The following RALGAPA2 variants were observed in gnomAD, a reference collection of about 807,000 sequenced individuals.
The protein encoded by RALGAPA2 is Ral GTPase activating protein catalytic subunit alpha 2, also known as ral GTPase-activating protein subunit alpha-2.
RALGAPA2 carries 139 observed loss-of-function variants against 230.4 expected under a neutral mutation model. The observed-to-expected ratio is 0.60, with a 90% confidence interval of 0.53 to 0.69. The LOEUF (loss-of-function observed/expected upper bound fraction) is 0.69, where lower values mean the gene tolerates loss of function less well. Among genes scored for constraint, RALGAPA2 ranks in the 30% least tolerant of loss-of-function variants. The pLI, the probability that RALGAPA2 is intolerant of heterozygous loss-of-function variation, is 0.00. For synonymous variants in RALGAPA2, 847 were observed against 837.8 expected (o/e 1.01, Z -0.19); for missense variants, 2,163 against 2,276.0 (o/e 0.95, Z 1.01).
At chr20:20,551,669 C>T (rs1480969422) in intron 23 of RALGAPA2, among the ~76,000 whole-genome samples, 1 of 152,152 alleles carries the variant, frequency 6.6e-6, no homozygotes. Flanking sequence ...GTAAATGAAT[C>T]GCTTTAATTG....
At chr20:20,446,533 C>T (rs752815913) in intron 37 of RALGAPA2, among the ~76,000 whole-genome samples, 3 of 152,146 alleles carry the variant, frequency 2.0e-5, no homozygotes, top group Non-Finnish European at 2.9e-5. Context: ...ACAGCAGCCA[C>T]CAGAAGCAAA....
chr20:20,491,485 C>G (rs980810918), intron 36 of RALGAPA2, among the ~76,000 whole-genome samples: 6 of 152,246 alleles, frequency 3.9e-5, no homozygotes, highest in Middle Eastern at 3.4e-3. Flanking sequence ...TAAAACTTAC[C>G]TTCGCAAATT....
chr20:20,539,473 T>A (rs1259227806), intron 24 of RALGAPA2, among the ~76,000 whole-genome samples: 2 of 152,248 alleles, frequency 1.3e-5, no homozygotes, highest in East Asian at 3.8e-4. Flanking sequence ...GTGTTGATTC[T>A]TTTTTCAACT....
At position 20,573,076 on chromosome 20, in the gene RALGAPA2, G is replaced by A. The variant is rs1318391859; in HGVS notation, c.2708-8C>T. The A allele has an allele frequency of 1.3e-6, 2 of 1,592,982 alleles. No individual in the cohort carries two copies. Among genetic ancestry groups the A allele is most frequent in the South Asian group, 2.3e-5 (2 of 87,428 alleles). The stretch of plus-strand genomic sequence containing the variant: ...TGAGGCACTCGCTGCTATCTATGCA[G>A]AAAAACATGTCTGTTAACCCTGTAA... On this transcript the variant is annotated splice_region_variant and splice_polypyrimidine_tract_variant and intron_variant, in intron 20 of 39. Coordinates refer to ENST00000202677, the MANE Select transcript of RALGAPA2 (RefSeq NM_020343.4).
intron 37 of RALGAPA2, among the ~76,000 whole-genome samples, chr20:20,415,094 A>G (rs1275013699): frequency 6.6e-6 from 1 of 152,262 alleles, no homozygotes; most frequent in Non-Finnish European, 1.5e-5. Flanking sequence ...CAGCGCTGGG[A>G]TCTTAACTGA....
rs1002245813 is a variant in RALGAPA2, at chr20:20,389,723, T to C, written c.*3566A>G. ...GTCGGGTGGCTGCCATCAGTGGAGA[T>C]GTGTGCTTTCTCGGTGTGGCTGCCT... On this transcript the variant is annotated 3_prime_UTR_variant, in exon 40 of 40. Coordinates refer to ENST00000202677, the MANE Select transcript of RALGAPA2 (RefSeq NM_020343.4). 2 of 151,904 alleles carry C rather than the reference T, an allele frequency of 1.3e-5. No individual in the cohort carries two copies. Among genetic ancestry groups the C allele is most frequent in the African/African-American group, 4.8e-5 (2 of 41,314 alleles). The allele number at this position is 151,904 out of a possible 1,614,324, so 9.4% of individuals were successfully genotyped here. A position where few individuals can be genotyped will look rare whatever the true frequency, so the allele number is the denominator to read the frequency against.
At chr20:20,562,516 T>A (rs1803481406) in intron 23 of RALGAPA2, among the ~76,000 whole-genome samples, 1 of 152,330 alleles carries the variant, frequency 6.6e-6, no homozygotes, top group South Asian at 2.1e-4. Context: ...TACCGGAAGA[T>A]TTTGGGCTAA....
chr20:20,410,228 T>C (rs192443706), intron 38 of RALGAPA2, among the ~76,000 whole-genome samples: 1 of 152,386 alleles, frequency 6.6e-6, no homozygotes, highest in East Asian at 1.9e-4. Flanking sequence ...TCATTTCTAT[T>C]GGTTTAAATA....
At chr20:20,520,093 T>TC (rs2062991281) in intron 31 of RALGAPA2, among the ~76,000 whole-genome samples, 1 of 152,178 alleles carries the variant, frequency 6.6e-6, no homozygotes, top group Non-Finnish European at 1.5e-5. Context: ...CACATGCAGT[T>TC]GTAAGCAGTA....
In RALGAPA2 at chr20:20,521,144, C is replaced by T. The variant is rs145578967; in HGVS notation, c.3901-44G>A. The T allele has an allele frequency of 9.2e-4, 1,384 of 1,499,582 alleles. 12 individuals are homozygous for T. The African/African-American group carries it at 0.016, about 17-fold the overall frequency. The allele number at this position is 1,499,582 out of a possible 1,614,324, so 92.9% of individuals were successfully genotyped here. A position where few individuals can be genotyped will look rare whatever the true frequency, so the allele number is the denominator to read the frequency against. On this transcript the variant is annotated intron_variant, in intron 30 of 39. Coordinates refer to ENST00000202677, the MANE Select transcript of RALGAPA2 (RefSeq NM_020343.4). The stretch of plus-strand genomic sequence containing the variant: ...TGTGCACCACGGATGCTACTCACCG[C>T]GTGTCCCCTGACAATCTGTCAAACT...
intron 10 of RALGAPA2, among the ~76,000 whole-genome samples, chr20:20,627,984 G>A (rs1033360630): frequency 2.0e-5 from 3 of 152,134 alleles, no homozygotes; most frequent in African/African-American, 7.2e-5. Context: ...AACAAAAAGA[G>A]GGGCCAAGAC....
intron 1 of RALGAPA2, among the ~76,000 whole-genome samples, chr20:20,695,350 C>A (rs1170222300): frequency 1.3e-5 from 2 of 152,148 alleles, no homozygotes; most frequent in Non-Finnish European, 2.9e-5. Flanking sequence ...TAGAACTGGG[C>A]AGAAAGACAT....
intron 38 of RALGAPA2, among the ~76,000 whole-genome samples, chr20:20,404,766 C>T (rs757371104): frequency 7.9e-5 from 12 of 152,224 alleles, no homozygotes; most frequent in Non-Finnish European, 1.6e-4. Context: ...GAAGATGCCA[C>T]CTGCACTTAA....
intron 38 of RALGAPA2, among the ~76,000 whole-genome samples, chr20:20,411,736 C>T (rs984908573): frequency 6.6e-6 from 1 of 152,194 alleles, no homozygotes; most frequent in Non-Finnish European, 1.5e-5. Context: ...ATTCCCAGCT[C>T]AGCAAGAAAC....
At chr20:20,602,586 T>G (rs1568635171) in intron 15 of RALGAPA2, among the ~76,000 whole-genome samples, 1 of 152,252 alleles carries the variant, frequency 6.6e-6, no homozygotes, top group Non-Finnish European at 1.5e-5. Context: ...CTGTGCTTTT[T>G]GTTTCTAGTA....
chr20:20,627,336 G>C (rs1439988206), intron 10 of RALGAPA2, among the ~76,000 whole-genome samples: 2 of 152,162 alleles, frequency 1.3e-5, no homozygotes, highest in Non-Finnish European at 2.9e-5. Flanking sequence ...AGTCAAGTCA[G>C]GAGAAGAAGT....
chr20:20,645,949 T>C lies in RALGAPA2; in HGVS notation c.329-2400A>G, dbSNP rs1396267306. ...AGCTATTCTCTAAGGAACTCTTTTT[T>C]AATAATAAAAAAAAAAAAAATTAGC... On this transcript the variant is annotated intron_variant, in intron 4 of 39. Transcript: ENST00000202677. Among the ~76,000 whole-genome samples the C allele has an allele frequency of 2.0e-5, 3 of 150,082 alleles. No homozygotes were observed. In the Middle Eastern group the frequency reaches 0.01, roughly 510 times the overall value.
intron 36 of RALGAPA2, among the ~76,000 whole-genome samples, chr20:20,491,368 CT>C (rs1190241318): frequency 2.0e-5 from 3 of 152,180 alleles, no homozygotes; most frequent in Non-Finnish European, 4.4e-5. Flanking sequence ...AAAACTTCCT[CT>C]TGTCTCAACT....
At position 20,671,674 on chromosome 20, in the gene RALGAPA2, A is replaced by G. The variant is rs138355776; in HGVS notation, c.270+4562T>C. ...AGTTTTATGAAGCCTTGAACAATATATATTTGTTCTATTATACAGGCAACT... is the reference window on the plus strand; with the variant it reads ...AGTTTTATGAAGCCTTGAACAATATGTATTTGTTCTATTATACAGGCAACT... On this transcript the variant is annotated intron_variant, in intron 3 of 39. Transcript: ENST00000202677. Among the ~76,000 whole-genome samples, 208 of 152,350 alleles carry G rather than the reference A, an allele frequency of 1.4e-3. 1 individual carries two copies. Among genetic ancestry groups the G allele is most frequent in the Middle Eastern group, 3.4e-3 (1 of 294 alleles).
Sources: gnomAD v4.1 joint callset for allele counts (sites outside exome capture counted in the v4.1 genomes callset) on GRCh38, gnomAD v4.1.1 for gene constraint, MANE v1.5 for transcripts, NCBI Gene and HGNC (gene_info 2026-07-23, HGNC 2026-07-21) for gene names.